The following TEX36 variants were observed in gnomAD, a reference collection of about 807,000 sequenced individuals.
The protein encoded by TEX36 is testis-expressed protein 36.
In TEX36, 12 loss-of-function variants were observed where a neutral mutation model predicts 13.6. The observed-to-expected ratio is 0.88, with a 90% CI of 0.56 to 1.43. The LOEUF is 1.43. TEX36 is among the 40% of genes most tolerant of loss of function. TEX36 has a pLI of 0.00. For synonymous variants in TEX36, 93 were observed against 83.0 expected (o/e 1.12, Z -0.65); for missense variants, 224 against 228.3 (o/e 0.98, Z 0.12).
intron 3 of TEX36, among the ~76,000 whole-genome samples, chr10:125,613,464 T>C (rs1846317043): frequency 9.1e-6 from 1 of 109,810 alleles, no homozygotes; most frequent in Non-Finnish European, 1.7e-5. Context: ...CAGAGTGTGA[T>C]GTTCCCCTTC....
intron 3 of TEX36, among the ~76,000 whole-genome samples, chr10:125,585,308 C>G (rs1052771108): frequency 6.6e-6 from 1 of 152,132 alleles, no homozygotes; most frequent in African/African-American, 2.4e-5. Flanking sequence ...CCTCCCACTT[C>G]CAGCAGGTCA....
chr10:125,590,827 TTCTA>T (rs2133532292), intron 3 of TEX36, among the ~76,000 whole-genome samples: 1 of 152,316 alleles, frequency 6.6e-6, no homozygotes, highest in East Asian at 1.9e-4. Flanking sequence ...AATAGAGAGA[TTCTA>T]TATATAGATA....
chr10:125,586,484 G>C (rs1845950761), intron 3 of TEX36, among the ~76,000 whole-genome samples: 1 of 151,952 alleles, frequency 6.6e-6, no homozygotes. Context: ...TAATGGGTTA[G>C]TGTGTATAAT....
At chr10:125,594,221 T>C (rs1264532603) in intron 3 of TEX36, among the ~76,000 whole-genome samples, 1 of 152,204 alleles carries the variant, frequency 6.6e-6, no homozygotes, top group East Asian at 1.9e-4. Context: ...AACTGTCTTC[T>C]CGAATAAGTA....
At chr10:125,664,688 G>GT (rs1483411350) in intron 1 of TEX36, among the ~76,000 whole-genome samples, 2 of 152,102 alleles carry the variant, frequency 1.3e-5, no homozygotes, top group Non-Finnish European at 1.5e-5. Flanking sequence ...TGCCATGATT[G>GT]TAAGTTTCCT....
intron 1 of TEX36, among the ~76,000 whole-genome samples, chr10:125,676,343 A>G (rs956549344): frequency 6.6e-6 from 1 of 152,176 alleles, no homozygotes; most frequent in African/African-American, 2.4e-5. Context: ...TGCTGGATTG[A>G]TCCATTTATC....
At chr10:125,656,674 A>G (rs999281096) in intron 3 of TEX36, among the ~76,000 whole-genome samples, 1 of 152,106 alleles carries the variant, frequency 6.6e-6, no homozygotes, top group Admixed American at 6.6e-5. Flanking sequence ...AAGGTTATGA[A>G]TTGACACTCA....
At chr10:125,644,566 C>T (rs1846738748) in intron 3 of TEX36, among the ~76,000 whole-genome samples, 1 of 152,196 alleles carries the variant, frequency 6.6e-6, no homozygotes, top group South Asian at 2.1e-4. Context: ...CATACACGCA[C>T]ACGTAAAACT....
intron 1 of TEX36, among the ~76,000 whole-genome samples, chr10:125,680,255 TG>T (rs1315114605): frequency 6.6e-6 from 1 of 152,082 alleles, no homozygotes; most frequent in Non-Finnish European, 1.5e-5. Context: ...GGCTGGGGGT[TG>T]GGGGAGGCTG....
downstream of TEX36, among the ~76,000 whole-genome samples, chr10:125,617,884 T>TCCAAC (rs1846379040): frequency 6.6e-6 from 1 of 152,208 alleles, no homozygotes; most frequent in Non-Finnish European, 1.5e-5. Flanking sequence ...CAGAGTGTTT[T>TCCAAC]CCAACTTGGT....
chr10:125,682,224 G>A (rs1847407795), intron 1 of TEX36, among the ~76,000 whole-genome samples: 1 of 152,184 alleles, frequency 6.6e-6, no homozygotes, highest in Non-Finnish European at 1.5e-5. Flanking sequence ...GGCCGACAAG[G>A]CTAAGACCTC....
At chr10:125,602,046 G>A (rs1846155750) in intron 3 of TEX36, among the ~76,000 whole-genome samples, 1 of 152,186 alleles carries the variant, frequency 6.6e-6, no homozygotes, top group Non-Finnish European at 1.5e-5. Flanking sequence ...AGGTGTTGCA[G>A]GGGGAAAGGG....
chr10:125,637,278 C>T (rs1446482469), intron 3 of TEX36, among the ~76,000 whole-genome samples: 1 of 150,702 alleles, frequency 6.6e-6, no homozygotes, highest in East Asian at 2.0e-4. Flanking sequence ...CACTGCACTC[C>T]AGCCTGAGTG....
At chr10:125,625,301 A>G (rs559833713) in intron 3 of TEX36, among the ~76,000 whole-genome samples, 2 of 152,362 alleles carry the variant, frequency 1.3e-5, no homozygotes, top group East Asian at 3.9e-4. Flanking sequence ...GGTGACAGGA[A>G]CTGAAAATAG....
intron 3 of TEX36, among the ~76,000 whole-genome samples, chr10:125,596,762 G>T (rs1485632802): frequency 6.6e-6 from 1 of 152,146 alleles, no homozygotes; most frequent in Non-Finnish European, 1.5e-5. Flanking sequence ...CAGCAGATAG[G>T]CCCTATAGTC....
intron 3 of TEX36, among the ~76,000 whole-genome samples, chr10:125,601,580 C>T (rs753913652): frequency 2.0e-5 from 3 of 152,262 alleles, no homozygotes; most frequent in Non-Finnish European, 2.9e-5. Flanking sequence ...TACCTATGCA[C>T]AATGGTGCTC....
At chr10:125,600,790 GC>G in intron 3 of TEX36, among the ~76,000 whole-genome samples, 2 of 152,126 alleles carry the variant, frequency 1.3e-5, no homozygotes, top group African/African-American at 4.8e-5. Context: ...AAGCCTCTTG[GC>G]ATCTCATTAG....
chr10:125,610,960 C>T (rs1486116501), intron 3 of TEX36, among the ~76,000 whole-genome samples: 1 of 152,178 alleles, frequency 6.6e-6, no homozygotes, highest in Non-Finnish European at 1.5e-5. Context: ...GTCATAGGTG[C>T]TATCTTACGT....
downstream of TEX36, among the ~76,000 whole-genome samples, chr10:125,620,230 G>C (rs999579823): frequency 6.6e-6 from 1 of 152,108 alleles, no homozygotes; most frequent in Non-Finnish European, 1.5e-5. Flanking sequence ...ACTGTCTGAA[G>C]TTACCCATCT....
Sources: allele counts gnomAD v4.1 joint callset (sites outside exome capture counted in the v4.1 genomes callset), GRCh38; gene constraint gnomAD v4.1.1; transcripts MANE v1.5; gene names NCBI Gene and HGNC (gene_info 2026-07-23, HGNC 2026-07-21).